Variants in FOXP2 observed in about 807,000 individuals in gnomAD.
FOXP2 encodes forkhead box P2, also known as forkhead box protein P2.
In FOXP2, 12 loss-of-function variants were observed where a neutral mutation model predicts 115.8. The observed-to-expected ratio is 0.10, with a 90% CI of 0.07 to 0.17. FOXP2 has a LOEUF of 0.17. FOXP2 is among the 10% of genes least tolerant of loss of function. The probability of loss-of-function intolerance (pLI) is 1.00; values close to 1 mark genes in which losing one functional copy is unlikely to be tolerated. For missense variants in FOXP2, 629 were observed against 843.5 expected, an observed-to-expected ratio of 0.75 and a Z score of 3.15; for synonymous variants, 328 against 297.7, an observed-to-expected ratio of 1.10 and a Z score of -1.05.
intron 5 of FOXP2, 149 bp downstream of exon 5, chr7:114,630,154 T>C: frequency 7.2e-7 from 1 of 1,387,348 alleles, no homozygotes; most frequent in East Asian, 2.3e-5. Context: ...GTAACAGTGA[T>C]AGGCTCTCAG....
rs114781067 is a variant in FOXP2, at chr7:114,149,804, C to T, written c.-246-13140C>T. Reference sequence around the variant, plus strand: ...GATAAAATTAGACTCAATTTTAGTACGCTCATGTTGAGTTGAATTTTTTTC... The same window carrying T: ...GATAAAATTAGACTCAATTTTAGTATGCTCATGTTGAGTTGAATTTTTTTC... On this transcript the variant is annotated intron_variant, in intron 1 of 19. Transcript: ENST00000635638. 8.9e-3 allele frequency among the ~76,000 whole-genome samples: 1,359 copies of T among 152,012 alleles called. 21 individuals carry two copies. Among genetic ancestry groups the T allele is most frequent in the African/African-American group, 0.032 (1,310 of 41,504 alleles).
chr7:114,345,236 A>G (rs1791319271), intron 2 of FOXP2, among the ~76,000 whole-genome samples: 1 of 151,852 alleles, frequency 6.6e-6, no homozygotes, highest in Non-Finnish European at 1.5e-5. Context: ...TGTGTCCAAA[A>G]TAAGACATTA....
chr7:114,270,084 A>G (rs1795997445), intron 1 of FOXP2, among the ~76,000 whole-genome samples: 1 of 152,216 alleles, frequency 6.6e-6, no homozygotes, highest in Non-Finnish European at 1.5e-5. Context: ...CAGAATGCAA[A>G]GAAATGAGCA....
chr7:114,135,883 C>G (rs950223313), intron 1 of FOXP2, among the ~76,000 whole-genome samples: 1 of 152,028 alleles, frequency 6.6e-6, no homozygotes, highest in African/African-American at 2.4e-5. Context: ...GGAGATAATT[C>G]TGATAATTAG....
intron 2 of FOXP2, among the ~76,000 whole-genome samples, chr7:114,369,380 C>T (rs1159869142): frequency 6.6e-6 from 1 of 152,106 alleles, no homozygotes; most frequent in Non-Finnish European, 1.5e-5. Context: ...TGTTCCTTGT[C>T]CAGGTGGAGT....
intron 3 of FOXP2, among the ~76,000 whole-genome samples, chr7:114,577,769 G>A: frequency 6.6e-6 from 1 of 151,848 alleles, no homozygotes; most frequent in African/African-American, 2.4e-5. Flanking sequence ...AATATTTTAT[G>A]AGTAATGCTG....
chr7:114,193,252 G>A (rs1440715213), intron 1 of FOXP2, among the ~76,000 whole-genome samples: 2 of 152,016 alleles, frequency 1.3e-5, no homozygotes. Flanking sequence ...TCATCCATGT[G>A]AGGAATGACT....
At chr7:114,140,858 C>T (rs748133926) in intron 1 of FOXP2, among the ~76,000 whole-genome samples, 7 of 152,234 alleles carry the variant, frequency 4.6e-5, no homozygotes, top group Non-Finnish European at 8.8e-5. Flanking sequence ...TGTGACTTGT[C>T]AGCCTCAGCA....
chr7:114,677,023 G>A (rs577883686), intron 16 of FOXP2, among the ~76,000 whole-genome samples: 38 of 151,912 alleles, frequency 2.5e-4, no homozygotes, highest in African/African-American at 6.5e-4. Flanking sequence ...AAAATTAGCC[G>A]GGCGTGGTTG....
chr7:114,272,856 G>A (rs1044193951), intron 1 of FOXP2, among the ~76,000 whole-genome samples: 80 of 151,588 alleles, frequency 5.3e-4, no homozygotes, highest in African/African-American at 1.8e-3. Flanking sequence ...GGATAAAGGC[G>A]CCTCAATTTT....
intron 2 of FOXP2, among the ~76,000 whole-genome samples, chr7:114,365,220 A>G (rs1366572964): frequency 6.6e-6 from 1 of 152,166 alleles, no homozygotes; most frequent in Non-Finnish European, 1.5e-5. Flanking sequence ...CATCTCAGAC[A>G]TTTTGTAAGA....
intron 1 of FOXP2, among the ~76,000 whole-genome samples, chr7:114,192,964 A>C (rs946879116): frequency 6.6e-6 from 1 of 152,116 alleles, no homozygotes; most frequent in Non-Finnish European, 1.5e-5. Context: ...GTAAACATCA[A>C]ATAAACACCT....
chr7:114,204,125 G>A (rs550518987), intron 1 of FOXP2, among the ~76,000 whole-genome samples: 1 of 151,792 alleles, frequency 6.6e-6, no homozygotes, highest in Non-Finnish European at 1.5e-5. Flanking sequence ...CAATATGTCC[G>A]ATAAAAGTAT....
chr7:114,603,312 A>G (rs1803133607), intron 3 of FOXP2, among the ~76,000 whole-genome samples: 1 of 152,220 alleles, frequency 6.6e-6, no homozygotes. Context: ...TACTTTACTT[A>G]CATTAAAATC....
At chr7:114,513,357 T>A (rs533363585) in intron 2 of FOXP2, among the ~76,000 whole-genome samples, 10 of 152,186 alleles carry the variant, frequency 6.6e-5, no homozygotes, top group Non-Finnish European at 1.2e-4. Context: ...GTAATACAGA[T>A]GACTATAATT....
At chr7:114,465,029 T>C (rs1231848219) in intron 2 of FOXP2, among the ~76,000 whole-genome samples, 1 of 152,240 alleles carries the variant, frequency 6.6e-6, no homozygotes, top group Non-Finnish European at 1.5e-5. Flanking sequence ...TCACATTATA[T>C]GGATACTGTC....
intron 1 of FOXP2, among the ~76,000 whole-genome samples, chr7:114,417,421 A>G (rs1219495315): frequency 1.3e-5 from 2 of 151,974 alleles, no homozygotes; most frequent in Non-Finnish European, 1.5e-5. Flanking sequence ...CAAGTCAATT[A>G]GCACTGTTCA....
rs146546242 is a variant in FOXP2 at position 114,648,074 on chromosome 7, G to A, written c.1094+3285G>A. 5.6e-3 allele frequency among the ~76,000 whole-genome samples: 855 copies of A among 152,160 alleles called. 30 individuals are homozygous for A. The highest frequency in any genetic ancestry group is 0.02 in the East Asian group (106 of 5,186). On this transcript the variant is annotated intron_variant, in intron 8 of 16. Transcript: ENST00000350908. Reference sequence around the variant, plus strand: ...ACTATATGAAGAGCAATAGAAAACAGTGGAAACAGAGTAGTTTATTTAATA... The same window carrying A: ...ACTATATGAAGAGCAATAGAAAACAATGGAAACAGAGTAGTTTATTTAATA...
At chr7:114,102,139 A>G (rs112151687) in intron 1 of FOXP2, among the ~76,000 whole-genome samples, 109 of 152,098 alleles carry the variant, frequency 7.2e-4, no homozygotes, top group African/African-American at 2.3e-3. Flanking sequence ...CCATGTTTCT[A>G]TACTGTTTCT....
Sources: gnomAD v4.1 joint callset for allele counts (sites outside exome capture counted in the v4.1 genomes callset) on GRCh38, gnomAD v4.1.1 for gene constraint, MANE v1.5 for transcripts, NCBI Gene and HGNC (gene_info 2026-07-23, HGNC 2026-07-21) for gene names.